The following QTMAN variants were observed in gnomAD, a reference collection of about 807,000 sequenced individuals.
QTMAN encodes the protein tRNA-queuosine alpha-mannosyltransferase.
the QTMAN span, among the ~76,000 whole-genome samples, chr2:144,083,846 GAAGT>G: frequency 6.6e-6 from 1 of 152,138 alleles, no homozygotes; most frequent in African/African-American, 2.4e-5. Context: ...TGAAAAGACT[GAAGT>G]AAGAGAGAAG....
At chr2:144,087,030 C>A in the QTMAN span, among the ~76,000 whole-genome samples, 2 of 151,984 alleles carry the variant, frequency 1.3e-5, no homozygotes, top group Non-Finnish European at 2.9e-5. Context: ...ACAACAGTAA[C>A]CTTATAACAT....
the QTMAN span, among the ~76,000 whole-genome samples, chr2:144,019,866 A>G: frequency 6.6e-6 from 1 of 152,194 alleles, no homozygotes; most frequent in Non-Finnish European, 1.5e-5. Context: ...TTCTCTGGAA[A>G]CTAACTAAAC....
the QTMAN span, among the ~76,000 whole-genome samples, chr2:143,960,197 G>A: frequency 6.6e-6 from 1 of 152,064 alleles, no homozygotes; most frequent in Non-Finnish European, 1.5e-5. Flanking sequence ...ATTCTCAAGA[G>A]CCTTCTATTA....
the QTMAN span, among the ~76,000 whole-genome samples, chr2:144,183,760 G>A: frequency 5.3e-5 from 8 of 152,216 alleles, no homozygotes; most frequent in African/African-American, 1.2e-4. Flanking sequence ...CTGCATGTGC[G>A]GACATCTTGA....
the QTMAN span, among the ~76,000 whole-genome samples, chr2:144,299,413 C>T: frequency 2.0e-5 from 3 of 152,126 alleles, no homozygotes; most frequent in Admixed American, 6.5e-5. Context: ...AATACTGGTG[C>T]CTCAATTCAA....
the QTMAN span, among the ~76,000 whole-genome samples, chr2:144,324,893 C>T: frequency 6.6e-6 from 1 of 151,586 alleles, no homozygotes; most frequent in East Asian, 1.9e-4. Flanking sequence ...CGTCATCACA[C>T]CTAACAGGCT....
chr2:144,066,958 G>A, the QTMAN span, among the ~76,000 whole-genome samples: 3,666 of 152,162 alleles, frequency 0.024, 51 homozygotes, highest in Middle Eastern at 0.086. Flanking sequence ...CGTCTTTGAC[G>A]CCTATTTATT....
the QTMAN span, among the ~76,000 whole-genome samples, chr2:144,024,786 A>G: frequency 6.6e-6 from 1 of 152,226 alleles, no homozygotes; most frequent in South Asian, 2.1e-4. Flanking sequence ...TTTGCTACAT[A>G]GAACACTCCT....
At chr2:144,092,198 C>T in the QTMAN span, among the ~76,000 whole-genome samples, 22 of 148,618 alleles carry the variant, frequency 1.5e-4, 1 homozygote, top group Non-Finnish European at 3.0e-4. Flanking sequence ...TTTTCTGAGA[C>T]AGAGTCTTAC....
At chr2:144,238,424 T>C in the QTMAN span, among the ~76,000 whole-genome samples, 1 of 152,170 alleles carries the variant, frequency 6.6e-6, no homozygotes, top group African/African-American at 2.4e-5. Context: ...TTCCTAGCTA[T>C]TCACAGTCAA....
the QTMAN span, among the ~76,000 whole-genome samples, chr2:144,305,455 C>T: frequency 6.6e-6 from 1 of 152,114 alleles, no homozygotes; most frequent in East Asian, 1.9e-4. Flanking sequence ...TTCCAGTGAC[C>T]TATATGTCTA....
the QTMAN span, among the ~76,000 whole-genome samples, chr2:144,332,727 C>A: frequency 1.3e-5 from 2 of 151,976 alleles, no homozygotes; most frequent in Non-Finnish European, 2.9e-5. Context: ...GCGGGCTCGG[C>A]TCCTCGCACC....
the QTMAN span, among the ~76,000 whole-genome samples, chr2:143,978,471 T>C: frequency 6.6e-6 from 1 of 152,228 alleles, no homozygotes; most frequent in African/African-American, 2.4e-5. Context: ...TCAGCAGTGA[T>C]TTCCAATCTC....
chr2:144,032,001 T>C, the QTMAN span, among the ~76,000 whole-genome samples: 1 of 152,300 alleles, frequency 6.6e-6, no homozygotes, highest in East Asian at 1.9e-4. Context: ...GCCAGGCTGG[T>C]CTCAAATTCC....
the QTMAN span, among the ~76,000 whole-genome samples, chr2:144,274,475 C>G: frequency 1.3e-5 from 2 of 152,186 alleles, no homozygotes; most frequent in African/African-American, 4.8e-5. Context: ...CCATCCCTGA[C>G]CTTTTGGGAG....
chr2:144,221,102 T>C, the QTMAN span, among the ~76,000 whole-genome samples: 1 of 152,162 alleles, frequency 6.6e-6, no homozygotes, highest in Non-Finnish European at 1.5e-5. Context: ...AGTTTGTGAA[T>C]TAAAAAAGGA....
chr2:144,236,969 T>C, the QTMAN span, among the ~76,000 whole-genome samples: 1 of 152,106 alleles, frequency 6.6e-6, no homozygotes, highest in African/African-American at 2.4e-5. Context: ...TGTGGTGTCC[T>C]GTTTCAAATA....
At chr2:144,108,322 T>C in the QTMAN span, among the ~76,000 whole-genome samples, 25 of 152,258 alleles carry the variant, frequency 1.6e-4, no homozygotes, top group South Asian at 4.1e-4. Context: ...ATTGTTCCTG[T>C]TTGCAGATGA....
the QTMAN span, among the ~76,000 whole-genome samples, chr2:144,144,133 T>G: frequency 0.044 from 6,722 of 152,014 alleles, 494 homozygotes; most frequent in African/African-American, 0.15. Flanking sequence ...AAAACTTTTA[T>G]AGTCTCATTC....
Sources: allele counts gnomAD v4.1 joint callset (sites outside exome capture counted in the v4.1 genomes callset), GRCh38; gene constraint gnomAD v4.1.1; transcripts MANE v1.5; gene names NCBI Gene and HGNC (gene_info 2026-07-23, HGNC 2026-07-21).